ATP10B: variants seen among roughly 807,000 people sequenced by gnomAD.
ATP10B encodes the protein ATPase phospholipid transporting 10B (putative).
Under a neutral mutation model 141.2 loss-of-function variants are expected in ATP10B, and 122 were observed. That is an observed-to-expected ratio of 0.86 (90% CI 0.75 to 1.00). The LOEUF is 1.00. Among genes scored for constraint, ATP10B ranks in the 50% least tolerant of loss-of-function variants. ATP10B has a pLI of 0.00. For synonymous variants in ATP10B, 685 were observed against 692.0 expected (o/e 0.99, Z 0.16); for missense variants, 1,876 against 1,825.3 (o/e 1.03, Z -0.51).
chr5:160,874,199 G>A, the ATP10B span, among the ~76,000 whole-genome samples: 1 of 152,148 alleles, frequency 6.6e-6, no homozygotes, highest in Admixed American at 6.5e-5. Flanking sequence ...AGAACGGGCA[G>A]ACTGCCTCCT....
chr5:160,929,084 C>G, the ATP10B span, among the ~76,000 whole-genome samples: 28 of 152,188 alleles, frequency 1.8e-4, no homozygotes, highest in Non-Finnish European at 3.7e-4. Flanking sequence ...CTTGTAGCCC[C>G]AGGACCCAGA....
chr5:160,663,737 T>A (rs1762134026), intron 7 of ATP10B, among the ~76,000 whole-genome samples: 1 of 151,906 alleles, frequency 6.6e-6, no homozygotes, highest in Non-Finnish European at 1.5e-5. Context: ...CATGTATACA[T>A]ATGTAACAAA....
At chr5:160,768,427 T>C (rs1289105875) in intron 2 of ATP10B, among the ~76,000 whole-genome samples, 2 of 152,182 alleles carry the variant, frequency 1.3e-5, no homozygotes, top group Non-Finnish European at 2.9e-5. Flanking sequence ...GCCTTTCTTC[T>C]TGAACACTTC....
chr5:160,575,631 A>T (rs940033602), intron 24 of ATP10B, among the ~76,000 whole-genome samples: 1 of 152,122 alleles, frequency 6.6e-6, no homozygotes, highest in African/African-American at 2.4e-5. Context: ...TCTATCTAGG[A>T]TTCATTTTTC....
intron 7 of ATP10B, among the ~76,000 whole-genome samples, chr5:160,665,693 C>G (rs1224612409): frequency 6.6e-6 from 1 of 152,152 alleles, no homozygotes; most frequent in African/African-American, 2.4e-5. Context: ...AAATGCAGAT[C>G]TATGTGAGCT....
chr5:160,803,878 T>C (rs1263282905), intron 1 of ATP10B, among the ~76,000 whole-genome samples: 5 of 152,172 alleles, frequency 3.3e-5, no homozygotes, highest in African/African-American at 1.2e-4. Flanking sequence ...CTGGTATTTA[T>C]TGAGTGCCTC....
chr5:160,749,358 G>T (rs1435330072), intron 2 of ATP10B, among the ~76,000 whole-genome samples: 1 of 152,202 alleles, frequency 6.6e-6, no homozygotes, highest in African/African-American at 2.4e-5. Flanking sequence ...CCCAGAGAGA[G>T]CTAGACACGC....
chr5:160,787,326 G>A (rs919508489), intron 1 of ATP10B, among the ~76,000 whole-genome samples: 17 of 152,118 alleles, frequency 1.1e-4, no homozygotes, highest in African/African-American at 2.9e-4. Flanking sequence ...TTCGTTCACC[G>A]TATTTCCTGA....
chr5:160,688,127 G>T, intron 4 of ATP10B, 33 bp from the exon 5 acceptor site: 2 of 1,579,134 alleles, frequency 1.3e-6, no homozygotes, highest in South Asian at 1.2e-5. Flanking sequence ...CTATGTTTAG[G>T]AGAAACGTGC....
intron 3 of ATP10B, chr5:160,692,643 G>T (rs1015959346): frequency 6.6e-6 from 1 of 152,164 alleles, no homozygotes; most frequent in Non-Finnish European, 1.5e-5. Flanking sequence ...TCTGAAGTCC[G>T]GTGAAACAGC....
intron 7 of ATP10B, among the ~76,000 whole-genome samples, chr5:160,663,269 C>G (rs62390687): frequency 6.6e-6 from 1 of 152,126 alleles, no homozygotes; most frequent in Non-Finnish European, 1.5e-5. Flanking sequence ...TACCATTTGA[C>G]CCAGCCATCC....
chr5:160,828,381 C>A (rs1159384826), intron 1 of ATP10B, among the ~76,000 whole-genome samples: 2 of 152,080 alleles, frequency 1.3e-5, no homozygotes, highest in African/African-American at 2.4e-5. Flanking sequence ...ACAACCCCAT[C>A]AAAAAGTGGG....
intron 3 of ATP10B, among the ~76,000 whole-genome samples, chr5:160,690,157 C>G (rs1407047991): frequency 6.6e-6 from 1 of 152,084 alleles, no homozygotes; most frequent in Non-Finnish European, 1.5e-5. Flanking sequence ...TAGCCATATG[C>G]AGAAACTGAA....
At chr5:160,611,266 G>A (rs551360589) in intron 18 of ATP10B, among the ~76,000 whole-genome samples, 1 of 152,252 alleles carries the variant, frequency 6.6e-6, no homozygotes, top group South Asian at 2.1e-4. Flanking sequence ...TTTAACCAAT[G>A]AGCAGGAGTG....
At chr5:160,872,987 G>A in the ATP10B span, among the ~76,000 whole-genome samples, 1 of 151,994 alleles carries the variant, frequency 6.6e-6, no homozygotes, top group Non-Finnish European at 1.5e-5. Context: ...TCACAATATT[G>A]GTTCTACCCA....
At chr5:160,784,714 T>TG (rs1771006222) in intron 2 of ATP10B, among the ~76,000 whole-genome samples, 2 of 152,132 alleles carry the variant, frequency 1.3e-5, no homozygotes, top group Non-Finnish European at 2.9e-5. Context: ...TAGCCAAGGC[T>TG]TGTGCCTGCT....
upstream of ATP10B, among the ~76,000 whole-genome samples, chr5:160,856,445 G>T (rs1178779368): frequency 6.6e-6 from 1 of 151,778 alleles, no homozygotes; most frequent in Non-Finnish European, 1.5e-5. Flanking sequence ...CATGTCACCT[G>T]CAAATAGAAA....
chr5:160,752,310 G>A (rs892150454), intron 2 of ATP10B, among the ~76,000 whole-genome samples: 16 of 151,680 alleles, frequency 1.1e-4, no homozygotes, highest in African/African-American at 3.4e-4. Flanking sequence ...TTACCCTAAA[G>A]TCCAGAGAGG....
chr5:160,814,809 GAA>G (rs61567003), intron 1 of ATP10B, among the ~76,000 whole-genome samples: 50,395 of 151,870 alleles, frequency 0.33, 9,489 homozygotes, highest in East Asian at 0.44. Context: ...CTACAAGCCA[GAA>G]GAGAGTGGGG....
Sources: allele counts gnomAD v4.1 joint callset (sites outside exome capture counted in the v4.1 genomes callset), GRCh38; gene constraint gnomAD v4.1.1; transcripts MANE v1.5; gene names NCBI Gene and HGNC (gene_info 2026-07-23, HGNC 2026-07-21).